SDHAF3: variants seen among roughly 807,000 people sequenced by gnomAD.
SDHAF3 encodes the protein succinate dehydrogenase assembly factor 3, mitochondrial.
SDHAF3 carries 18 observed loss-of-function variants against 11.5 expected under a neutral mutation model. That is an observed-to-expected ratio of 1.56 (90% CI 1.08 to 2.32). The LOEUF (loss-of-function observed/expected upper bound fraction) is 2.32, where lower values mean the gene tolerates loss of function less well. Ranked by LOEUF, SDHAF3 falls within the 30% of genes most tolerant of loss-of-function variation. The pLI is 0.00. For missense variants in SDHAF3, 200 were observed against 154.4 expected, an observed-to-expected ratio of 1.30 and a Z score of -1.57; for synonymous variants, 72 against 59.3, an observed-to-expected ratio of 1.21 and a Z score of -0.99.
At chr7:97,174,573 C>T (rs927590440) in intron 1 of SDHAF3, among the ~76,000 whole-genome samples, 3 of 151,896 alleles carry the variant, frequency 2.0e-5, no homozygotes, top group African/African-American at 7.3e-5. Flanking sequence ...TGTAATAGTT[C>T]CTTCCTTCCT....
At chr7:97,125,601 TC>T (rs1434268509) in intron 1 of SDHAF3, among the ~76,000 whole-genome samples, 1 of 152,218 alleles carries the variant, frequency 6.6e-6, no homozygotes, top group Non-Finnish European at 1.5e-5. Flanking sequence ...ATCTCTGATA[TC>T]CTTTCTTCCT....
At chr7:97,118,605 C>T (rs1791445927) in intron 1 of SDHAF3, among the ~76,000 whole-genome samples, 1 of 148,744 alleles carries the variant, frequency 6.7e-6, no homozygotes, top group African/African-American at 2.5e-5. Flanking sequence ...TTTCGTGGGG[C>T]TCGGGGCCCT....
chr7:97,180,045 G>C (rs544004474), intron 1 of SDHAF3, among the ~76,000 whole-genome samples: 15 of 152,308 alleles, frequency 9.8e-5, no homozygotes, highest in African/African-American at 3.1e-4. Context: ...TAATTTTAGA[G>C]TGAGTCTGTT....
intron 1 of SDHAF3, among the ~76,000 whole-genome samples, chr7:97,151,779 A>G (rs1009981731): frequency 1.3e-5 from 2 of 152,110 alleles, no homozygotes; most frequent in African/African-American, 2.4e-5. Context: ...GATTACAGGC[A>G]TGAGCCACCA....
At chr7:97,147,697 G>A (rs535240601) in intron 1 of SDHAF3, among the ~76,000 whole-genome samples, 3 of 152,102 alleles carry the variant, frequency 2.0e-5, no homozygotes, top group Non-Finnish European at 4.4e-5. Context: ...TTTTAGCCAA[G>A]TGTCAATTTG....
At chr7:97,143,841 G>A (rs12668875) in intron 1 of SDHAF3, among the ~76,000 whole-genome samples, 7,421 of 152,202 alleles carry the variant, frequency 0.049, 550 homozygotes, top group East Asian at 0.29. Context: ...TTTCCTCTGG[G>A]TAGATACCCA....
At chr7:97,173,979 G>T (rs545579819) in intron 1 of SDHAF3, among the ~76,000 whole-genome samples, 1 of 151,862 alleles carries the variant, frequency 6.6e-6, no homozygotes, top group African/African-American at 2.4e-5. Flanking sequence ...GAGTGCAGTG[G>T]CACAATCTCG....
chr7:97,181,517 T>A lies in SDHAF3; in HGVS notation c.*302T>A, dbSNP rs1237008559. 4.7e-6 allele frequency: 1 copy of A among 211,164 alleles called. No individual in the cohort carries two copies. The highest frequency in any genetic ancestry group is 1.1e-4 in the East Asian group (1 of 8,940). 13.1% of individuals were successfully genotyped at this position (211,164 alleles called of 1,614,324 possible). ...GCCATATTAGTCTTCTGGCTTTTCTTTAGCTTCATCAAATAAGCATGTTGT... is the reference window on the plus strand; with the variant it reads ...GCCATATTAGTCTTCTGGCTTTTCTATAGCTTCATCAAATAAGCATGTTGT... On this transcript the variant is annotated 3_prime_UTR_variant, in exon 2 of 2. Coordinates refer to ENST00000432641, the MANE Select transcript of SDHAF3 (RefSeq NM_020186.3).
At chr7:97,139,391 T>C (rs553442106) in intron 1 of SDHAF3, among the ~76,000 whole-genome samples, 2 of 149,772 alleles carry the variant, frequency 1.3e-5, no homozygotes, top group African/African-American at 4.9e-5. Context: ...TGTATGCCGA[T>C]TGGTTTGTGA....
intron 1 of SDHAF3, 99 bp downstream of exon 1, chr7:97,117,996 A>T: frequency 7.2e-7 from 1 of 1,393,034 alleles, no homozygotes; most frequent in Non-Finnish European, 9.8e-7. Context: ...CAGAGCAGCA[A>T]CCTGTTCTGT....
At chr7:97,169,056 G>A (rs566873853) in intron 1 of SDHAF3, among the ~76,000 whole-genome samples, 10 of 152,202 alleles carry the variant, frequency 6.6e-5, no homozygotes, top group African/African-American at 2.4e-4. Flanking sequence ...TCAGGGCTGG[G>A]TGCGGTGGCT....
intron 1 of SDHAF3, among the ~76,000 whole-genome samples, chr7:97,139,351 TG>T (rs1294512390): frequency 6.6e-6 from 1 of 152,196 alleles, no homozygotes; most frequent in Non-Finnish European, 1.5e-5. Flanking sequence ...CGGCTGAGTC[TG>T]GGGCTTTTAT....
At chr7:97,125,515 G>T (rs1791561579) in intron 1 of SDHAF3, among the ~76,000 whole-genome samples, 1 of 152,134 alleles carries the variant, frequency 6.6e-6, no homozygotes. Flanking sequence ...ATATTTCTTG[G>T]AGTCTTTGTT....
chr7:97,141,419 C>T (rs748542517), intron 1 of SDHAF3, among the ~76,000 whole-genome samples: 3 of 152,134 alleles, frequency 2.0e-5, no homozygotes, highest in South Asian at 2.1e-4. Flanking sequence ...GGGGGCATCA[C>T]GGAACCTGCC....
intron 1 of SDHAF3, among the ~76,000 whole-genome samples, 191 bp downstream of exon 1, chr7:97,118,088 C>A (rs1453733073): frequency 6.6e-6 from 1 of 152,204 alleles, no homozygotes; most frequent in African/African-American, 2.4e-5. Flanking sequence ...CCTGTTACTT[C>A]AGCGTCCCCA....
At chr7:97,169,174 A>G (rs1789563560) in intron 1 of SDHAF3, among the ~76,000 whole-genome samples, 1 of 152,070 alleles carries the variant, frequency 6.6e-6, no homozygotes, top group Non-Finnish European at 1.5e-5. Flanking sequence ...AAAAATACAA[A>G]AGTTAGCTGG....
chr7:97,121,868 TG>T lies in SDHAF3; in HGVS notation c.174+3972del, dbSNP rs769031262. ...TTTTTTTTTTTGTTTTTTTTTTTTTTGTTTTTGAGATGGAGTCTTCGCTCTA... is the reference window on the plus strand; with the variant it reads ...TTTTTTTTTTTGTTTTTTTTTTTTTTTTTTTGAGATGGAGTCTTCGCTCTA... On this transcript the variant is annotated intron_variant, in intron 1 of 1. Coordinates refer to ENST00000432641, the MANE Select transcript of SDHAF3 (RefSeq NM_020186.3). Among the ~76,000 whole-genome samples the T allele has an allele frequency of 6.1e-3, 653 of 107,850 alleles. 6 individuals carry two copies. Among genetic ancestry groups the T allele is most frequent in the African/African-American group, 0.015 (448 of 30,508 alleles). 70.8% of individuals were successfully genotyped at this position (107,850 alleles called of 152,430 possible).
At chr7:97,140,939 C>T (rs1314966568) in intron 1 of SDHAF3, among the ~76,000 whole-genome samples, 8 of 134,658 alleles carry the variant, frequency 5.9e-5, no homozygotes, top group South Asian at 2.3e-4. Flanking sequence ...CCATATTTCT[C>T]TTCTTTCAAA....
intron 1 of SDHAF3, among the ~76,000 whole-genome samples, chr7:97,169,070 G>T (rs779307052): frequency 1.1e-4 from 16 of 152,114 alleles, no homozygotes. Context: ...GGTGGCTCAT[G>T]CCTGTAATCC....
Sources: gnomAD v4.1 joint callset for allele counts (sites outside exome capture counted in the v4.1 genomes callset) on GRCh38, gnomAD v4.1.1 for gene constraint, MANE v1.5 for transcripts, NCBI Gene and HGNC (gene_info 2026-07-23, HGNC 2026-07-21) for gene names.